The following DDX27 variants were observed in gnomAD, a reference collection of about 807,000 sequenced individuals.
DDX27 encodes probable ATP-dependent RNA helicase DDX27.
Under a neutral mutation model 99.3 loss-of-function variants are expected in DDX27, and 42 were observed. The ratio of observed to expected loss-of-function variants is 0.42; its 90% CI spans 0.33 to 0.55. The LOEUF (loss-of-function observed/expected upper bound fraction) is 0.55, where lower values mean the gene tolerates loss of function less well. Ranked by LOEUF, DDX27 falls within the 20% of genes least tolerant of loss-of-function variation. The pLI is 0.07. For synonymous variants in DDX27, 329 were observed against 353.8 expected (o/e 0.93, Z 0.79); for missense variants, 798 against 976.8 (o/e 0.82, Z 2.44).
At chr20:49,224,868 AC>A (rs1282485265) in intron 4 of DDX27, 76 bp from the exon 5 acceptor site, 2 of 1,533,678 alleles carry the variant, frequency 1.3e-6, no homozygotes, top group Non-Finnish European at 1.8e-6. Flanking sequence ...TGGCATTGGC[AC>A]TTAGGACAGT....
chr20:49,243,609 C>T lies in DDX27; in HGVS notation c.2205-20C>T, dbSNP rs1298181945. On this transcript the variant is annotated intron_variant, in intron 19 of 20. Coordinates refer to ENST00000618172, the MANE Select transcript of DDX27 (RefSeq NM_017895.8). ...TTGTTCAACAGTTTGCTCATTTCAGCATGTCATCTTCTCTCACAGCCCTTC... is the reference window on the plus strand; with the variant it reads ...TTGTTCAACAGTTTGCTCATTTCAGTATGTCATCTTCTCTCACAGCCCTTC... 4 of 1,612,920 alleles carry T rather than the reference C, an allele frequency of 2.5e-6. No individual in the cohort carries two copies. The highest frequency in any genetic ancestry group is 3.4e-6 in the Non-Finnish European group (4 of 1,179,010).
rs1568975536 is a variant in DDX27 at position 49,233,675 on chromosome 20, T to A, written c.1239T>A (p.Pro413=). Residue 413 remains proline (P), a synonymous_variant, in exon 11 of 21, where the codon CCT becomes CCA. Transcript: ENST00000618172. ...FLRQEFIRIR[P]NREGDREAIV... is the part of the protein sequence containing the mutation. ...GGCAGGAGTTCATCCGGATCCGGCC[T>A]AATCGTGAAGGAGACCGGGAAGCCA... 2 of 1,613,874 alleles carry A rather than the reference T, an allele frequency of 1.2e-6. No homozygotes were observed. The highest frequency in any genetic ancestry group is 2.2e-5 in the South Asian group (2 of 91,082).
At position 49,230,368 on chromosome 20, in the gene DDX27, G is replaced by A. The variant is rs781123490; in HGVS notation, c.1031+19G>A. 18 of 1,598,202 alleles carry A rather than the reference G, an allele frequency of 1.1e-5. No homozygotes were observed. The East Asian group carries it at 3.8e-4, about 34-fold the overall frequency. ...CTGACAGGTGCTCCTCACAGCCTGGGGCCCAGGGCACTGTGGGGTTCCAAG... is the reference window on the plus strand; with the variant it reads ...CTGACAGGTGCTCCTCACAGCCTGGAGCCCAGGGCACTGTGGGGTTCCAAG... On this transcript the variant is annotated intron_variant, in intron 9 of 20. Transcript: ENST00000618172.
intron 4 of DDX27, among the ~76,000 whole-genome samples, chr20:49,223,904 G>T (rs962742796): frequency 2.0e-5 from 3 of 152,050 alleles, no homozygotes; most frequent in Non-Finnish European, 4.4e-5. Context: ...AAAGAGATGT[G>T]GTCTCACTCC....
Position 49,230,323 on chromosome 20 carries a change from G to A in DDX27, c.1005G>A (p.Glu335=), listed in dbSNP as rs369578962. ...CTTCCTTCCACCTGAGCAGCATCGA[G>A]GTGCTCATCCTGGACGAGGCTGACA... ...NCPSFHLSSI[E]VLILDEADRM... The change falls in exon 9 of 21, where the codon GAG becomes GAA. Residue 335 remains glutamate (E), a synonymous_variant. Transcript: ENST00000618172. 1 of 1,610,336 alleles carries A rather than the reference G, an allele frequency of 6.2e-7. No individual in the cohort carries two copies. The highest frequency in any genetic ancestry group is 1.3e-5 in the African/African-American group (1 of 74,920).
chr20:49,233,423 T>C lies in DDX27; in HGVS notation c.1131+18T>C. 6.2e-7 allele frequency: 1 copy of C among 1,613,102 alleles called. No homozygotes were observed. Among genetic ancestry groups the C allele is most frequent in the Non-Finnish European group, 8.5e-7 (1 of 1,179,616 alleles). ...CAGACGAGGTGGGCCGAGGGACTTC[T>C]CTGTGGCGGGTGGCAGGTGTGCCCA... On this transcript the variant is annotated intron_variant, in intron 10 of 20. Transcript: ENST00000618172.
At chr20:49,239,867 A>G (rs1003125272) in intron 16 of DDX27, among the ~76,000 whole-genome samples, 7 of 152,362 alleles carry the variant, frequency 4.6e-5, no homozygotes, top group Admixed American at 3.3e-4. Context: ...GTGTGTTTAT[A>G]TACACACAAT....
At chr20:49,239,426 C>G in intron 16 of DDX27, 88 bp downstream of exon 16, 1 of 946,966 alleles carries the variant, frequency 1.1e-6, no homozygotes, top group Non-Finnish European at 1.6e-6. Context: ...TACTGTAAAG[C>G]AGCGGTCCCC....
At chr20:49,242,281 T>G in intron 18 of DDX27, 75 bp downstream of exon 18, 3 of 1,577,756 alleles carry the variant, frequency 1.9e-6, no homozygotes, top group Non-Finnish European at 2.6e-6. Context: ...AGGGAGAAAA[T>G]CTGAGGGATG....
chr20:49,242,258 T>C (rs1163568980), intron 18 of DDX27, 52 bp downstream of exon 18: 1 of 1,601,192 alleles, frequency 6.2e-7, no homozygotes, highest in Non-Finnish European at 8.5e-7. Flanking sequence ...CCCTGAAACC[T>C]GTGCTTTGGG....
intron 19 of DDX27, 128 bp from the exon 20 acceptor site, chr20:49,243,501 C>A: frequency 1.3e-6 from 1 of 799,230 alleles, no homozygotes; most frequent in Non-Finnish European, 2.1e-6. Flanking sequence ...AGGCTTAGAA[C>A]TTAGGGCCTG....
chr20:49,220,776 C>CG (rs1568970016), intron 1 of DDX27, among the ~76,000 whole-genome samples: 1 of 140,354 alleles, frequency 7.1e-6, no homozygotes, highest in African/African-American at 2.8e-5. Context: ...ACCCATGATG[C>CG]GGGGGGAATT....
intron 9 of DDX27, among the ~76,000 whole-genome samples, chr20:49,232,987 G>A (rs1227186535): frequency 6.6e-6 from 1 of 151,674 alleles, no homozygotes; most frequent in African/African-American, 2.4e-5. Flanking sequence ...AACGTGGCCT[G>A]TGCTTTAGAT....
Position 49,226,481 on chromosome 20 carries a change from A to G in DDX27, c.652A>G (p.Ile218Val). Residue 218 changes from isoleucine to valine, a missense_variant, in exon 7 of 21, where the codon ATA becomes GTA. This residue lies in a region of DDX27 where 553 missense variants were observed against 727.9 expected (regional missense o/e 0.76). Coordinates refer to ENST00000618172, the MANE Select transcript of DDX27 (RefSeq NM_017895.8). Reference sequence around the variant, plus strand: ...GCCCACCCCGATCCAGAAGGCGTGCATACCTGTGGGTCTATTGGGGAAGGA... The same window carrying G: ...GCCCACCCCGATCCAGAAGGCGTGCGTACCTGTGGGTCTATTGGGGAAGGA... Reference protein sequence around the residue: ...KQPTPIQKACIPVGLLGKDIC... With the variant: ...KQPTPIQKACVPVGLLGKDIC... The G allele has an allele frequency of 6.2e-7, 1 of 1,614,118 alleles. No individual in the cohort carries two copies. Among genetic ancestry groups the G allele is most frequent in the Non-Finnish European group, 8.5e-7 (1 of 1,180,006 alleles).
At chr20:49,234,786 T>C in intron 11 of DDX27, 149 bp from the exon 12 acceptor site, 1 of 901,616 alleles carries the variant, frequency 1.1e-6, no homozygotes, top group African/African-American at 1.7e-5. Context: ...CTTCTCTGTA[T>C]CCACCCTGGA....
At chr20:49,235,377 T>C (rs1980268675) in intron 12 of DDX27, 2 of 315,672 alleles carry the variant, frequency 6.3e-6, no homozygotes, top group African/African-American at 4.3e-5. Flanking sequence ...ACACATGGTC[T>C]CTTCTTGGAA....
At chr20:49,226,177 G>T (rs749665875) in intron 6 of DDX27, among the ~76,000 whole-genome samples, 2 of 152,154 alleles carry the variant, frequency 1.3e-5, no homozygotes, top group Non-Finnish European at 2.9e-5. Flanking sequence ...CATATGACAT[G>T]TGTTTGTTTT....
At position 49,221,458 on chromosome 20, in the gene DDX27, A is replaced by T; in HGVS notation, c.100A>T (p.Ile34Phe). The T allele has an allele frequency of 1.2e-6, 2 of 1,613,296 alleles. No individual in the cohort carries two copies. Among genetic ancestry groups the T allele is most frequent in the South Asian group, 2.2e-5 (2 of 91,036 alleles). The change falls in exon 2 of 21, where the codon ATT (isoleucine) becomes TTT (phenylalanine). Residue 34 changes from isoleucine to phenylalanine, a missense_variant. Physicochemically the swap from Ile to Phe is conservative, Grantham distance 21. This residue lies in a region of DDX27 where 245 missense variants were observed against 248.8 expected (regional missense o/e 0.98). Transcript: ENST00000618172. ...DSGDEEEEGP[I>F]VLGRRQKALG... ...TGTCTCTTACTCTTCCCAGGGGCCC[A>T]TTGTGCTGGGCAGACGACAAAAAGC...
chr20:49,239,854 G>A (rs1980422525), intron 16 of DDX27, among the ~76,000 whole-genome samples: 1 of 152,172 alleles, frequency 6.6e-6, no homozygotes, highest in East Asian at 1.9e-4. Context: ...CAAAATTTGG[G>A]GTGTGTGTTT....
Sources: allele counts gnomAD v4.1 joint callset (sites outside exome capture counted in the v4.1 genomes callset), GRCh38; gene constraint gnomAD v4.1.1; regional missense constraint gnomAD v4.1.1; transcripts MANE v1.5; gene names NCBI Gene and HGNC (gene_info 2026-07-23, HGNC 2026-07-21).